Variants in DYNC1I1 observed in about 807,000 individuals in gnomAD.
The protein encoded by DYNC1I1 is cytoplasmic dynein 1 intermediate chain 1.
DYNC1I1 carries 43 observed loss-of-function variants against 86.6 expected under a neutral mutation model. The observed-to-expected ratio is 0.50, with a 90% confidence interval of 0.39 to 0.64. The LOEUF is 0.64. Among genes scored for constraint, DYNC1I1 ranks in the 30% least tolerant of loss-of-function variants. DYNC1I1 has a pLI of 0.00. For missense variants in DYNC1I1, 604 were observed against 788.8 expected (o/e 0.77, Z 2.81); for synonymous variants, 262 against 283.7 (o/e 0.92, Z 0.77).
intron 1 of DYNC1I1, among the ~76,000 whole-genome samples, chr7:95,785,814 TATATTA>T (rs1794129156): frequency 1.7e-5 from 2 of 117,364 alleles, no homozygotes; most frequent in African/African-American, 6.7e-5. Context: ...TATATATATA[TATATTA>T]TATATAACAG....
intron 1 of DYNC1I1, among the ~76,000 whole-genome samples, chr7:95,794,607 A>C (rs1794389906): frequency 6.6e-6 from 1 of 152,094 alleles, no homozygotes; most frequent in Admixed American, 6.5e-5. Context: ...TACCCTATGG[A>C]TTGATTTTTC....
chr7:95,968,679 T>C (rs1793080659), intron 6 of DYNC1I1, among the ~76,000 whole-genome samples: 1 of 152,106 alleles, frequency 6.6e-6, no homozygotes, highest in South Asian at 2.1e-4. Flanking sequence ...GAAGACTTAA[T>C]AGAGAAAGCA....
At chr7:95,920,445 A>C (rs1307263284) in intron 6 of DYNC1I1, among the ~76,000 whole-genome samples, 1 of 152,200 alleles carries the variant, frequency 6.6e-6, no homozygotes, top group Admixed American at 6.5e-5. Flanking sequence ...GGAACAGAAG[A>C]AGGACATTAG....
intron 6 of DYNC1I1, among the ~76,000 whole-genome samples, chr7:95,961,037 C>T (rs1562956766): frequency 6.6e-6 from 1 of 152,190 alleles, no homozygotes; most frequent in African/African-American, 2.4e-5. Context: ...CTAATGATGT[C>T]ATGCAAACAG....
downstream of DYNC1I1, among the ~76,000 whole-genome samples, chr7:96,102,005 G>GAGTACTGCAAGC (rs1290070351): frequency 6.6e-6 from 1 of 151,816 alleles, no homozygotes; most frequent in Non-Finnish European, 1.5e-5. Context: ...AATAACTGAT[G>GAGTACTGCAAGC]AGTACTGCAA....
At chr7:95,793,034 T>A (rs1794345774) in intron 1 of DYNC1I1, among the ~76,000 whole-genome samples, 1 of 152,066 alleles carries the variant, frequency 6.6e-6, no homozygotes, top group Non-Finnish European at 1.5e-5. Flanking sequence ...TAAACAGTGT[T>A]CTGTCACCCA....
intron 14 of DYNC1I1, among the ~76,000 whole-genome samples, chr7:96,041,743 T>G (rs753238174): frequency 7.2e-5 from 11 of 152,120 alleles, no homozygotes; most frequent in African/African-American, 1.9e-4. Flanking sequence ...AATAGTATAT[T>G]ATCATTGTTT....
At chr7:95,815,003 G>A (rs1373131206) in intron 4 of DYNC1I1, among the ~76,000 whole-genome samples, 1 of 151,938 alleles carries the variant, frequency 6.6e-6, no homozygotes, top group Non-Finnish European at 1.5e-5. Context: ...GGGTCCATTG[G>A]CCTATCATTA....
intron 1 of DYNC1I1, 142 bp from the exon 2 acceptor site, chr7:95,804,579 C>A: frequency 9.7e-7 from 1 of 1,026,608 alleles, no homozygotes; most frequent in Non-Finnish European, 1.3e-6. Context: ...TTGATTCTTT[C>A]ACATAGGCTA....
intron 14 of DYNC1I1, among the ~76,000 whole-genome samples, chr7:96,060,640 A>G (rs1297125599): frequency 1.3e-5 from 2 of 152,178 alleles, no homozygotes; most frequent in Admixed American, 6.5e-5. Flanking sequence ...GTGGATGACA[A>G]TGATGTGTCA....
intron 16 of DYNC1I1, among the ~76,000 whole-genome samples, chr7:96,084,009 A>C (rs993853126): frequency 6.6e-6 from 1 of 152,164 alleles, no homozygotes; most frequent in African/African-American, 2.4e-5. Context: ...CTGTGGGAAG[A>C]CATCTCATAT....
At chr7:95,819,860 A>G (rs1383909577) in intron 4 of DYNC1I1, among the ~76,000 whole-genome samples, 1 of 152,218 alleles carries the variant, frequency 6.6e-6, no homozygotes, top group Non-Finnish European at 1.5e-5. Flanking sequence ...TCTTCAGGCA[A>G]AGTGTGCTCT....
chr7:96,077,014 C>T (rs1790360397), intron 15 of DYNC1I1, among the ~76,000 whole-genome samples: 1 of 152,018 alleles, frequency 6.6e-6, no homozygotes, highest in Non-Finnish European at 1.5e-5. Flanking sequence ...TGTCCTTCAA[C>T]TTTATAAAAT....
intron 6 of DYNC1I1, among the ~76,000 whole-genome samples, chr7:95,948,414 A>G (rs1584190816): frequency 2.0e-5 from 3 of 152,156 alleles, no homozygotes; most frequent in African/African-American, 4.8e-5. Context: ...GAGTAGACCC[A>G]TGCTTGTATC....
chr7:96,035,463 TC>T (rs2116014504), intron 12 of DYNC1I1, among the ~76,000 whole-genome samples, 155 bp from the exon 13 acceptor site: 1 of 152,318 alleles, frequency 6.6e-6, no homozygotes, highest in Non-Finnish European at 1.5e-5. Context: ...AGCATGAATG[TC>T]AGGGGCAGTA....
At chr7:95,960,839 A>G (rs899660602) in intron 6 of DYNC1I1, among the ~76,000 whole-genome samples, 1 of 152,222 alleles carries the variant, frequency 6.6e-6, no homozygotes, top group Non-Finnish European at 1.5e-5. Context: ...AACCCTGTTC[A>G]GCATCGTCTA....
chr7:95,822,845 G>A (rs1489120123), intron 4 of DYNC1I1, among the ~76,000 whole-genome samples: 1 of 152,212 alleles, frequency 6.6e-6, no homozygotes, highest in Non-Finnish European at 1.5e-5. Context: ...AAGAAAGATT[G>A]TATCAAACAA....
chr7:95,830,543 G>A (rs1795298144), intron 5 of DYNC1I1, among the ~76,000 whole-genome samples: 1 of 152,102 alleles, frequency 6.6e-6, no homozygotes. Flanking sequence ...TATATAAACA[G>A]CTCTATCCTT....
intron 6 of DYNC1I1, among the ~76,000 whole-genome samples, chr7:95,921,383 C>G (rs1445376372): frequency 6.6e-6 from 1 of 152,174 alleles, no homozygotes; most frequent in South Asian, 2.1e-4. Flanking sequence ...CAAGGAGACA[C>G]TTTCTGGGAG....
Sources: allele counts gnomAD v4.1 joint callset (sites outside exome capture counted in the v4.1 genomes callset), GRCh38; gene constraint gnomAD v4.1.1; transcripts MANE v1.5; gene names NCBI Gene and HGNC (gene_info 2026-07-23, HGNC 2026-07-21).